KMT2E: variants seen among roughly 807,000 people sequenced by gnomAD.
KMT2E encodes histone reader KMT2E.
Under a neutral mutation model 184.6 loss-of-function variants are expected in KMT2E, and 30 were observed. The observed-to-expected ratio is 0.16, with a 90% CI of 0.12 to 0.22. The LOEUF (loss-of-function observed/expected upper bound fraction) is 0.22. Ranked by LOEUF, KMT2E falls within the 10% of genes least tolerant of loss-of-function variation. KMT2E has a pLI of 1.00. For missense variants in KMT2E, 2,023 were observed against 2,237.4 expected (o/e 0.90, Z 1.93); for synonymous variants, 815 against 776.5 (o/e 1.05, Z -0.82).
chr7:105,098,487 C>T (rs1798516874), intron 15 of KMT2E, among the ~76,000 whole-genome samples: 1 of 152,038 alleles, frequency 6.6e-6, no homozygotes. Context: ...CTTACTGCAA[C>T]CTCCACCTCC....
chr7:105,062,498 T>C (rs557423146), intron 4 of KMT2E, among the ~76,000 whole-genome samples: 1 of 152,314 alleles, frequency 6.6e-6, no homozygotes, highest in East Asian at 1.9e-4. Flanking sequence ...GTTAATAGTT[T>C]GATATTATAT....
At chr7:105,049,627 A>C (rs1763105884) in intron 3 of KMT2E, among the ~76,000 whole-genome samples, 1 of 152,084 alleles carries the variant, frequency 6.6e-6, no homozygotes, top group Non-Finnish European at 1.5e-5. Context: ...GCGGTGGCTC[A>C]CGCCTGTAAT....
intron 15 of KMT2E, among the ~76,000 whole-genome samples, chr7:105,095,256 A>G (rs1798356826): frequency 6.6e-6 from 1 of 152,210 alleles, no homozygotes; most frequent in Non-Finnish European, 1.5e-5. Context: ...TCTAGGTAAT[A>G]CATGTTTATA....
chr7:105,088,200 C>T (rs1475395248), intron 13 of KMT2E, among the ~76,000 whole-genome samples: 3 of 152,184 alleles, frequency 2.0e-5, no homozygotes, highest in Non-Finnish European at 4.4e-5. Flanking sequence ...CCAATTTCTT[C>T]ATCACTTTGT....
intron 13 of KMT2E, among the ~76,000 whole-genome samples, chr7:105,085,873 C>T (rs1797942683): frequency 6.6e-6 from 1 of 152,058 alleles, no homozygotes; most frequent in African/African-American, 2.4e-5. Flanking sequence ...GGGGTTTCAC[C>T]GTGTTAGCCA....
chr7:105,076,872 TTGTGTGTGTGTGTG>T (rs10598888), intron 9 of KMT2E, 77 bp from the exon 10 acceptor site: 19,166 of 627,696 alleles, frequency 0.031, 29 homozygotes, highest in Non-Finnish European at 0.034. Flanking sequence ...GCCGTTAATT[TTGTGTGTGTGTGTG>T]TGTGTGTGTG....
At chr7:105,020,836 A>G (rs916106522) in intron 1 of KMT2E, among the ~76,000 whole-genome samples, 3 of 152,228 alleles carry the variant, frequency 2.0e-5, no homozygotes, top group African/African-American at 7.2e-5. Context: ...TTTAGTAAAA[A>G]GTGAGGAATA....
chr7:105,068,644 T>G (rs377513473), intron 6 of KMT2E, among the ~76,000 whole-genome samples: 395 of 147,092 alleles, frequency 2.7e-3, no homozygotes, highest in South Asian at 6.5e-3. Flanking sequence ...TTTTTGTTTT[T>G]TTTTTTTTTT....
chr7:105,073,957 G>C (rs1166203446), intron 7 of KMT2E, among the ~76,000 whole-genome samples: 3 of 151,766 alleles, frequency 2.0e-5, no homozygotes, highest in Admixed American at 2.0e-4. Flanking sequence ...CTAACCTGTT[G>C]GTTTAAAAAA....
At chr7:105,035,004 C>T (rs1795578678) in intron 1 of KMT2E, among the ~76,000 whole-genome samples, 1 of 151,250 alleles carries the variant, frequency 6.6e-6, no homozygotes, top group Non-Finnish European at 1.5e-5. Flanking sequence ...TACAGGTGCC[C>T]ACCACCACAC....
chr7:105,071,453 G>A (rs1409716901), intron 6 of KMT2E, among the ~76,000 whole-genome samples: 1 of 148,704 alleles, frequency 6.7e-6, no homozygotes, highest in African/African-American at 2.5e-5. Flanking sequence ...TGCAACCTCC[G>A]CCTCCTGGGT....
intron 3 of KMT2E, among the ~76,000 whole-genome samples, chr7:105,048,494 T>C (rs1407063735): frequency 6.6e-6 from 1 of 152,212 alleles, no homozygotes. Context: ...ATGTGACATT[T>C]AATACTAGAT....
At chr7:105,040,740 A>G (rs975042158) in intron 2 of KMT2E, 99 bp from the exon 3 acceptor site, 4 of 361,742 alleles carry the variant, frequency 1.1e-5, no homozygotes, top group East Asian at 8.2e-5. Flanking sequence ...GCAAATTTCA[A>G]TTTATATTGA....
At chr7:105,045,107 A>C (rs1796044132) in intron 3 of KMT2E, among the ~76,000 whole-genome samples, 1 of 152,154 alleles carries the variant, frequency 6.6e-6, no homozygotes, top group Admixed American at 6.5e-5. Context: ...CCAAATCCTT[A>C]TGGTGTTCTT....
At chr7:105,071,596 ATATATATATATAT>A (rs1168281363) in intron 6 of KMT2E, among the ~76,000 whole-genome samples, 1 of 59,934 alleles carries the variant, frequency 1.7e-5, no homozygotes, top group Non-Finnish European at 3.2e-5. Flanking sequence ...ATATATATAT[ATATATATATATAT>A]TTTTTTTTTT....
intron 10 of KMT2E, 35 bp from the exon 11 acceptor site, chr7:105,077,268 A>G (rs748416486): frequency 4.4e-6 from 7 of 1,603,196 alleles, no homozygotes; most frequent in African/African-American, 2.7e-5. Flanking sequence ...AAAACAAGCA[A>G]GTTTATTTAA....
chr7:105,108,718 T>C (rs911290912), intron 22 of KMT2E: 32 of 515,044 alleles, frequency 6.2e-5, no homozygotes, highest in East Asian at 5.0e-4. Context: ...ACCTATTTCA[T>C]AGGGTTGTTG....
intron 1 of KMT2E, among the ~76,000 whole-genome samples, chr7:105,033,111 C>T (rs922460557): frequency 1.3e-5 from 2 of 152,188 alleles, no homozygotes; most frequent in Non-Finnish European, 2.9e-5. Flanking sequence ...CTGTGGCATT[C>T]TCCCATTATA....
At chr7:105,107,253 G>T in intron 21 of KMT2E, 31 bp downstream of exon 21, 1 of 1,519,240 alleles carries the variant, frequency 6.6e-7, no homozygotes, top group Non-Finnish European at 8.9e-7. Context: ...GGGTGAATTG[G>T]TAGTTTTTTT....
Sources: gnomAD v4.1 joint callset for allele counts (sites outside exome capture counted in the v4.1 genomes callset) on GRCh38, gnomAD v4.1.1 for gene constraint, MANE v1.5 for transcripts, NCBI Gene and HGNC (gene_info 2026-07-23, HGNC 2026-07-21) for gene names.